The following LYPD6B variants were observed in gnomAD, a reference collection of about 807,000 sequenced individuals.
The protein encoded by LYPD6B is ly6/PLAUR domain-containing protein 6B.
LYPD6B carries 17 observed loss-of-function variants against 22.8 expected under a neutral mutation model. That is an observed-to-expected ratio of 0.75 (90% CI 0.51 to 1.12). LYPD6B has a LOEUF of 1.12. LYPD6B is among the 50% of genes most tolerant of loss of function. LYPD6B has a pLI of 0.00. For missense variants in LYPD6B, 221 were observed against 258.3 expected (o/e 0.86, Z 0.99); for synonymous variants, 106 against 91.6 (o/e 1.16, Z -0.90).
intron 1 of LYPD6B, chr2:149,101,309 T>G (rs143022095): frequency 1.3e-4 from 20 of 152,358 alleles, no homozygotes; most frequent in South Asian, 8.3e-4. Flanking sequence ...GAATGCTTCG[T>G]TTTTCTCCAG....
chr2:149,079,661 T>A (rs1038108264), intron 1 of LYPD6B, among the ~76,000 whole-genome samples: 7 of 152,198 alleles, frequency 4.6e-5, no homozygotes, highest in African/African-American at 1.7e-4. Context: ...TTTTAGCAGA[T>A]TCAGGCGTTT....
At chr2:149,136,405 A>G (rs1688374623) in intron 2 of LYPD6B, among the ~76,000 whole-genome samples, 1 of 152,180 alleles carries the variant, frequency 6.6e-6, no homozygotes, top group East Asian at 1.9e-4. Context: ...CCAGAGGCCA[A>G]CTCCAGCATC....
At chr2:149,134,115 G>C (rs77691849) in intron 2 of LYPD6B, among the ~76,000 whole-genome samples, 1 of 152,090 alleles carries the variant, frequency 6.6e-6, no homozygotes, top group South Asian at 2.1e-4. Flanking sequence ...AGAAGGGGAC[G>C]TACAGCGGAG....
chr2:149,058,009 G>T (rs986524900), intron 1 of LYPD6B, among the ~76,000 whole-genome samples: 1 of 152,162 alleles, frequency 6.6e-6, no homozygotes, highest in South Asian at 2.1e-4. Context: ...CCTAGGAAAT[G>T]GGTGGCATTC....
chr2:149,192,869 A>C (rs1692582697), intron 3 of LYPD6B, among the ~76,000 whole-genome samples: 1 of 152,118 alleles, frequency 6.6e-6, no homozygotes, highest in Non-Finnish European at 1.5e-5. Context: ...TGGTGAAGTC[A>C]ACCTCAATCA....
Position 149,076,037 on chromosome 2 carries a change from A to T in LYPD6B, c.-67+37236A>T, listed in dbSNP as rs13405598. Among the ~76,000 whole-genome samples, 47 of 152,170 alleles carry T rather than the reference A, an allele frequency of 3.1e-4. No individual in the cohort carries two copies. The Middle Eastern group carries it at 0.014, about 44-fold the overall frequency. ...GAGGGAGGATCCAGAGGAGCGGGAG[A>T]ATGGGTTTTGAGTTTAGGAACGTGA... On this transcript the variant is annotated intron_variant, in intron 1 of 6. Transcript: ENST00000409642.
chr2:149,084,343 C>T (rs1187020450), intron 1 of LYPD6B, among the ~76,000 whole-genome samples: 2 of 152,154 alleles, frequency 1.3e-5, no homozygotes, highest in African/African-American at 2.4e-5. Context: ...GTTTTCCTCA[C>T]TCATCCTTTT....
chr2:149,108,018 C>T (rs1423219330), intron 1 of LYPD6B, among the ~76,000 whole-genome samples: 1 of 152,152 alleles, frequency 6.6e-6, no homozygotes, highest in Non-Finnish European at 1.5e-5. Context: ...TGTGTCCCCA[C>T]CCACATCTCA....
chr2:149,082,823 G>A (rs1685197441), intron 1 of LYPD6B, among the ~76,000 whole-genome samples: 1 of 152,156 alleles, frequency 6.6e-6, no homozygotes, highest in African/African-American at 2.4e-5. Context: ...TAATCACGAT[G>A]TAGTAAGGCA....
At position 149,068,830 on chromosome 2, in the gene LYPD6B, G is replaced by A. The variant is rs115737645; in HGVS notation, c.-67+30029G>A. On this transcript the variant is annotated intron_variant, in intron 1 of 6. Coordinates refer to ENST00000409642, the MANE Select transcript of LYPD6B (RefSeq NM_177964.5). ...TGCAAGGCCCACATCATGTGCCTGA[G>A]AAGTCAACTACTCCAGGTTTATCGC... The A allele has an allele frequency of 2.7e-3, 1,104 of 405,466 alleles. 9 individuals carry two copies. The highest frequency in any genetic ancestry group is 0.021 in the African/African-American group (1,011 of 48,260). The allele number at this position is 405,466 out of a possible 1,614,324, so 25.1% of individuals were successfully genotyped here.
intron 3 of LYPD6B, among the ~76,000 whole-genome samples, chr2:149,196,251 T>G (rs17600356): frequency 0.52 from 79,369 of 152,046 alleles, 21,080 homozygotes; most frequent in Non-Finnish European, 0.56. Flanking sequence ...TTTTTATTAG[T>G]ATTGCTTTTA....
intron 5 of LYPD6B, among the ~76,000 whole-genome samples, chr2:149,211,153 T>C (rs905028895): frequency 5.9e-5 from 9 of 152,034 alleles, no homozygotes; most frequent in Admixed American, 6.6e-5. Flanking sequence ...GAACTCACTA[T>C]CACAAGAACA....
intron 1 of LYPD6B, among the ~76,000 whole-genome samples, chr2:149,119,910 T>C (rs1687199463): frequency 6.6e-6 from 1 of 152,094 alleles, no homozygotes; most frequent in South Asian, 2.1e-4. Flanking sequence ...ACAGTAGGTA[T>C]AGTGAGGCAT....
rs1010883426 is a variant in LYPD6B, at chr2:149,083,320, A to G, written c.-67+44519A>G. Among the ~76,000 whole-genome samples, 14 of 152,306 alleles carry G rather than the reference A, an allele frequency of 9.2e-5. No individual in the cohort carries two copies. In the South Asian group the frequency reaches 1.4e-3, roughly 16 times the overall value. Reference sequence around the variant, plus strand: ...ATTCTCCCTACATTACCATAATGCAATATTGTACCTAAGAAAGTTTACAAT... The same window carrying G: ...ATTCTCCCTACATTACCATAATGCAGTATTGTACCTAAGAAAGTTTACAAT... On this transcript the variant is annotated intron_variant, in intron 1 of 6. Transcript: ENST00000409642.
intron 1 of LYPD6B, among the ~76,000 whole-genome samples, chr2:149,115,204 G>T (rs1279042156): frequency 2.0e-5 from 3 of 152,128 alleles, no homozygotes; most frequent in African/African-American, 7.2e-5. Context: ...CTCCCAAAGT[G>T]CTGGGATTAC....
rs547884750 is a variant in LYPD6B, at chr2:149,065,877, T to G, written c.-67+27076T>G. On this transcript the variant is annotated intron_variant, in intron 1 of 6. Transcript: ENST00000409642. Reference sequence around the variant, plus strand: ...GGGCATGCCACTGTGTCTGGCCCTTTTTTTTTGTATTTTTCATAGAGACTA... The same window carrying G: ...GGGCATGCCACTGTGTCTGGCCCTTGTTTTTTGTATTTTTCATAGAGACTA... Among the ~76,000 whole-genome samples the G allele has an allele frequency of 2.0e-5, 3 of 152,238 alleles. No homozygotes were observed. The South Asian group carries it at 6.2e-4, about 32-fold the overall frequency.
chr2:149,052,877 A>G (rs911736880), intron 1 of LYPD6B, among the ~76,000 whole-genome samples: 15 of 152,242 alleles, frequency 9.9e-5, no homozygotes, highest in Admixed American at 2.0e-4. Context: ...GAAGAAAACG[A>G]GAAGCCCCCA....
intron 1 of LYPD6B, among the ~76,000 whole-genome samples, chr2:149,039,747 A>T (rs953388172): frequency 2.6e-5 from 4 of 152,084 alleles, no homozygotes; most frequent in Non-Finnish European, 5.9e-5. Flanking sequence ...TGACTTGTTC[A>T]TGGTTAGGCT....
At chr2:149,107,218 C>T (rs748543468) in intron 1 of LYPD6B, among the ~76,000 whole-genome samples, 1 of 152,032 alleles carries the variant, frequency 6.6e-6, no homozygotes, top group Non-Finnish European at 1.5e-5. Flanking sequence ...TGATGAGATA[C>T]CACAGTAATC....
Sources: allele counts gnomAD v4.1 joint callset (sites outside exome capture counted in the v4.1 genomes callset), GRCh38; gene constraint gnomAD v4.1.1; transcripts MANE v1.5; gene names NCBI Gene and HGNC (gene_info 2026-07-23, HGNC 2026-07-21).